The following DSE variants were observed in gnomAD, a reference collection of about 807,000 sequenced individuals.
DSE encodes dermatan sulfate epimerase, also known as dermatan-sulfate epimerase.
A neutral mutation model predicts 84.4 loss-of-function variants in DSE; 36 were observed. The observed-to-expected ratio is 0.43, with a 90% CI of 0.33 to 0.56. The LOEUF (loss-of-function observed/expected upper bound fraction) is 0.56. DSE is among the 20% of genes least tolerant of loss of function. DSE has a pLI of 0.06. For missense variants in DSE, 862 were observed against 1,169.6 expected, an observed-to-expected ratio of 0.74 and a Z score of 3.84; for synonymous variants, 410 against 430.1, an observed-to-expected ratio of 0.95 and a Z score of 0.58.
intron 2 of DSE, among the ~76,000 whole-genome samples, chr6:116,352,294 CCTT>C (rs1278358858): frequency 6.6e-6 from 1 of 152,184 alleles, no homozygotes; most frequent in African/African-American, 2.4e-5. Context: ...TCCTTTCAGA[CCTT>C]AACTTATCCT....
intron 1 of DSE, among the ~76,000 whole-genome samples, chr6:116,389,818 T>C (rs886943985): frequency 6.6e-6 from 1 of 152,176 alleles, no homozygotes; most frequent in Non-Finnish European, 1.5e-5. Flanking sequence ...TTTTACTCTT[T>C]AGAGAAAGTT....
chr6:116,382,217 T>C (rs1309932192), intron 1 of DSE, among the ~76,000 whole-genome samples: 2 of 152,196 alleles, frequency 1.3e-5, no homozygotes, highest in Non-Finnish European at 2.9e-5. Flanking sequence ...GGGTTAGGAC[T>C]TCAACATATG....
At chr6:116,380,679 G>T (rs1388840378) in intron 1 of DSE, among the ~76,000 whole-genome samples, 1 of 152,026 alleles carries the variant, frequency 6.6e-6, no homozygotes, top group Non-Finnish European at 1.5e-5. Context: ...TTCCACAAGG[G>T]TGTTTGACAC....
Position 116,430,977 on chromosome 6 carries a change from T to C in DSE, c.694T>C (p.Trp232Arg), listed in dbSNP as rs1217613362. 14 of 1,613,808 alleles carry C rather than the reference T, an allele frequency of 8.7e-6. No homozygotes were observed. Among genetic ancestry groups the C allele is most frequent in the African/African-American group, 1.3e-5 (1 of 74,930 alleles). The change falls in exon 4 of 6, where the codon TGG (tryptophan) becomes CGG (arginine). Residue 232 changes from tryptophan (W) to arginine (R), a missense_variant. Coordinates refer to ENST00000644252, the MANE Select transcript of DSE (RefSeq NM_013352.4). The stretch of plus-strand genomic sequence containing the variant: ...AGGATATCTTCAAGAAGCCTACTTA[T>C]GGACCAAACAAGTTCTGACCATCAT... The part of the protein sequence containing the change: ...NQGYLQEAYL[W>R]TKQVLTIMEK...
chr6:116,396,742 A>C (rs956426145), intron 1 of DSE, among the ~76,000 whole-genome samples: 1 of 152,162 alleles, frequency 6.6e-6, no homozygotes, highest in Admixed American at 6.5e-5. Context: ...GGCAGGGGTC[A>C]CATTGTGAGT....
intron 2 of DSE, among the ~76,000 whole-genome samples, chr6:116,326,357 C>T (rs890587244): frequency 1.3e-5 from 2 of 151,928 alleles, no homozygotes; most frequent in Admixed American, 1.3e-4. Context: ...TCCCCCACCC[C>T]CCACCAAAAA....
At chr6:116,342,113 C>G (rs536598947) in intron 2 of DSE, among the ~76,000 whole-genome samples, 37 of 152,208 alleles carry the variant, frequency 2.4e-4, no homozygotes, top group Non-Finnish European at 4.3e-4. Context: ...TGGGGACAAC[C>G]AGAGACTATT....
intron 2 of DSE, among the ~76,000 whole-genome samples, chr6:116,311,104 T>A (rs1775670693): frequency 6.6e-6 from 1 of 152,226 alleles, no homozygotes; most frequent in Non-Finnish European, 1.5e-5. Flanking sequence ...TGCTCTCACA[T>A]CATTCATATT....
chr6:116,380,135 C>T (rs1026597035), intron 1 of DSE, among the ~76,000 whole-genome samples: 2 of 152,040 alleles, frequency 1.3e-5, no homozygotes, highest in South Asian at 2.1e-4. Context: ...TAATATATAA[C>T]TTTTCCCAAT....
intron 2 of DSE, among the ~76,000 whole-genome samples, chr6:116,268,894 T>C (rs571832366): frequency 2.5e-4 from 38 of 152,242 alleles, no homozygotes; most frequent in African/African-American, 9.1e-4. Flanking sequence ...TTCTCACATA[T>C]GTTTGGTACT....
chr6:116,421,446 T>C (rs886462177), intron 2 of DSE, among the ~76,000 whole-genome samples: 1 of 65,594 alleles, frequency 1.5e-5, no homozygotes, highest in Non-Finnish European at 2.9e-5. Context: ...TATATACATA[T>C]ATATATATAT....
intron 2 of DSE, among the ~76,000 whole-genome samples, chr6:116,338,219 C>CTTTTTTTTT (rs893312210): frequency 5.6e-4 from 51 of 91,182 alleles, no homozygotes; most frequent in African/African-American, 1.3e-3. Flanking sequence ...TTTCTTCTTT[C>CTTTTTTTTT]TTTTTTTTTT....
chr6:116,317,126 G>T (rs555504949), intron 2 of DSE, among the ~76,000 whole-genome samples: 1 of 152,348 alleles, frequency 6.6e-6, no homozygotes, highest in African/African-American at 2.4e-5. Flanking sequence ...CTGCTGTTCA[G>T]TTCCATGAAA....
chr6:116,435,499 T>C (rs935534721), intron 5 of DSE, 88 bp from the exon 6 acceptor site: 1 of 1,343,810 alleles, frequency 7.4e-7, no homozygotes, highest in Non-Finnish European at 1.0e-6. Flanking sequence ...CTGGGTAGCA[T>C]TTGTGTGTCG....
chr6:116,291,722 T>G (rs1307661988), intron 2 of DSE, among the ~76,000 whole-genome samples: 1 of 151,990 alleles, frequency 6.6e-6, no homozygotes, highest in Non-Finnish European at 1.5e-5. Context: ...GGTTATATGA[T>G]TAAAGGCTGG....
At chr6:116,279,843 C>G (rs776897357) in intron 2 of DSE, 4 of 1,613,020 alleles carry the variant, frequency 2.5e-6, no homozygotes, top group Non-Finnish European at 3.4e-6. Flanking sequence ...TGCTAACAGT[C>G]GGACCAACCG....
At chr6:116,375,457 T>C in intron 1 of DSE, 1 of 858,994 alleles carries the variant, frequency 1.2e-6, no homozygotes. Context: ...TGAGCTATGG[T>C]CACACCACTG....
chr6:116,279,194 C>T, intron 2 of DSE: 1 of 1,611,430 alleles, frequency 6.2e-7, no homozygotes, highest in Non-Finnish European at 8.5e-7. Context: ...TCCCTCGCCT[C>T]CTCCTCCAAT....
rs1300601095 is a variant in DSE, at chr6:116,278,570, G to A, written c.-54+19603G>A. 5 of 1,614,160 alleles carry A rather than the reference G, an allele frequency of 3.1e-6. No individual in the cohort carries two copies. Among genetic ancestry groups the A allele is most frequent in the Middle Eastern group, 1.7e-4 (1 of 6,060 alleles). On this transcript the variant is annotated intron_variant, in intron 2 of 3. Coordinates refer to the DSE transcript ENST00000430252. ...GGGATCTCTACAGGCTCCCTTAGCG[G>A]GCGACGTCGGGCTCTACGGACTCCT...
Sources: allele counts gnomAD v4.1 joint callset (sites outside exome capture counted in the v4.1 genomes callset), GRCh38; gene constraint gnomAD v4.1.1; transcripts MANE v1.5; gene names NCBI Gene and HGNC (gene_info 2026-07-23, HGNC 2026-07-21).